IL17REL: variants seen among roughly 807,000 people sequenced by gnomAD.
The protein encoded by IL17REL is interleukin 17 receptor E like, also known as interleukin-17 receptor E-like protein.
IL17REL carries 36 observed loss-of-function variants against 49.0 expected under a neutral mutation model. The ratio of observed to expected loss-of-function variants is 0.73; its 90% CI spans 0.56 to 0.97. IL17REL has a LOEUF of 0.97. IL17REL is among the 50% of genes least tolerant of loss of function. IL17REL has a pLI of 0.00. For synonymous variants in IL17REL, 206 were observed against 192.4 expected (o/e 1.07, Z -0.58); for missense variants, 470 against 453.9 (o/e 1.04, Z -0.32).
chr22:49,999,722 G>GGTGGGCGGGGCGCGGA (rs1241601256), intron 5 of IL17REL, 106 bp downstream of exon 7: 4 of 617,956 alleles, frequency 6.5e-6, no homozygotes, highest in South Asian at 1.4e-4. Context: ...GGGGCGCGGG[G>GGTGGGCGGGGCGCGGA]GGTGGGCGGG....
intron 9 of IL17REL, 64 bp from the exon 12 acceptor site, chr22:49,997,806 G>GCAGGGA (rs1227371015): frequency 6.5e-6 from 10 of 1,533,698 alleles, no homozygotes; most frequent in African/African-American, 2.7e-5. Flanking sequence ...AGGGACAGGG[G>GCAGGGA]CAGGGACAGG....
At chr22:49,997,409 G>A (rs565042430) in exon 11 of IL17REL, 1 of 1,613,626 alleles carries the variant, frequency 6.2e-7, no homozygotes, top group Admixed American at 1.7e-5. Flanking sequence ...ACCTGGAAGT[G>A]GGCGGGGCTG....
upstream of IL17REL, among the ~76,000 whole-genome samples, chr22:50,011,627 G>A (rs1225111290): frequency 6.6e-6 from 1 of 151,828 alleles, no homozygotes; most frequent in East Asian, 1.9e-4. Flanking sequence ...GCATCCGGTG[G>A]ACACCCCTCC....
At chr22:50,010,770 CG>C (rs2061135545), upstream of IL17REL, among the ~76,000 whole-genome samples, 1 of 135,740 alleles carries the variant, frequency 7.4e-6, no homozygotes, top group African/African-American at 3.2e-5. Context: ...CCCCACGGCA[CG>C]GGGAGCGGGA....
upstream of IL17REL, among the ~76,000 whole-genome samples, chr22:50,011,054 C>T (rs545490323): frequency 6.6e-6 from 1 of 151,576 alleles, no homozygotes; most frequent in Non-Finnish European, 1.5e-5. Flanking sequence ...CTGGCTTCCC[C>T]CCGCGGGCAG....
At chr22:49,998,817 G>A (rs1177219915) in intron 7 of IL17REL, among the ~76,000 whole-genome samples, 3 of 151,914 alleles carry the variant, frequency 2.0e-5, no homozygotes, top group East Asian at 1.9e-4. Context: ...CTGCCTGCGC[G>A]TGGGTGTGCG....
chr22:50,003,565 G>A (rs189297193), intron 1 of IL17REL, among the ~76,000 whole-genome samples: 207 of 145,378 alleles, frequency 1.4e-3, no homozygotes, highest in African/African-American at 5.2e-3. Flanking sequence ...GATCACACCT[G>A]TATTCCCAGC....
downstream of IL17REL, among the ~76,000 whole-genome samples, chr22:49,992,985 C>T (rs137840): frequency 0.51 from 77,758 of 151,960 alleles, 20,241 homozygotes; most frequent in South Asian, 0.74. Context: ...TCACCCCACA[C>T]TGGCACCAGC....
At chr22:50,008,491 T>C (rs1257968900) in intron 1 of IL17REL, 146 bp downstream of exon 2, 1 of 152,176 alleles carries the variant, frequency 6.6e-6, no homozygotes, top group African/African-American at 2.4e-5. Context: ...CGGTGAGTGA[T>C]AGAGGTTTGC....
Position 49,997,868 on chromosome 22 carries a change from C to G in IL17REL, c.820-126G>C. 2 of 1,364,848 alleles carry G rather than the reference C, an allele frequency of 1.5e-6. 1 individual carries two copies. The allele number at this position is 1,364,848 out of a possible 1,614,324, so 84.5% of individuals were successfully genotyped here. On this transcript the variant is annotated intron_variant, in intron 9 of 12. Transcript: ENST00000341280. ...TCTGGGCCCAGTTCTCCTCCTTAGG[C>G]CCTTAGCTCACCCACTGTCAGACCA...
At chr22:50,009,824 A>C (rs1350766096), upstream of IL17REL, among the ~76,000 whole-genome samples, 1 of 147,672 alleles carries the variant, frequency 6.8e-6, no homozygotes, top group Non-Finnish European at 1.5e-5. Context: ...AGATTTACAG[A>C]GAGTTTACCC....
At chr22:49,996,323 A>C (rs2061033978) in exon 13 of IL17REL, 1 of 152,168 alleles carries the variant, frequency 6.6e-6, no homozygotes, top group Admixed American at 6.5e-5. Flanking sequence ...TGCAGGTAGG[A>C]GTGCCAGCTC....
intron 7 of IL17REL, 62 bp downstream of exon 9, chr22:49,999,229 T>TG: frequency 6.3e-7 from 1 of 1,580,096 alleles, no homozygotes; most frequent in Non-Finnish European, 8.7e-7. Flanking sequence ...GTCCTCATGG[T>TG]GGAGTCAGAC....
intron 7 of IL17REL, 127 bp downstream of exon 9, chr22:49,999,164 G>C: frequency 8.6e-7 from 1 of 1,158,950 alleles, no homozygotes; most frequent in South Asian, 1.2e-5. Context: ...AAGCCCTTCC[G>C]AGCAGGCTCA....
At chr22:50,000,492 CTCTGGTCCA>C (rs2061071351) in exon 4 of IL17REL, 1 of 1,613,064 alleles carries the variant, frequency 6.2e-7, no homozygotes, top group Non-Finnish European at 8.5e-7. Context: ...CACGAGGTGC[CTCTGGTCCA>C]GCTGGACCCC....
chr22:50,002,990 C>T (rs1006071074), intron 1 of IL17REL, among the ~76,000 whole-genome samples: 2 of 152,176 alleles, frequency 1.3e-5, no homozygotes, highest in Non-Finnish European at 2.9e-5. Flanking sequence ...TGGGAATGCG[C>T]CACTGTCTGG....
chr22:50,004,937 C>G (rs2061100679), intron 1 of IL17REL, among the ~76,000 whole-genome samples: 1 of 144,372 alleles, frequency 6.9e-6, no homozygotes, highest in Non-Finnish European at 1.5e-5. Flanking sequence ...AAGACTTATT[C>G]CAGGCAACCA....
At chr22:49,998,257 G>T in exon 8 of IL17REL, 3 of 1,612,414 alleles carry the variant, frequency 1.9e-6, no homozygotes, top group Non-Finnish European at 1.7e-6. Context: ...TCAGTGTCTG[G>T]CTCTCCGGGT....
exon 13 of IL17REL, chr22:49,996,185 G>C (rs1390124283): frequency 6.6e-6 from 1 of 152,272 alleles, no homozygotes; most frequent in Non-Finnish European, 1.5e-5. Flanking sequence ...GGTGCTCCCT[G>C]GAAAGGGTCT....
Sources: allele counts gnomAD v4.1 joint callset (sites outside exome capture counted in the v4.1 genomes callset), GRCh38; gene constraint gnomAD v4.1.1; transcripts MANE v1.5; gene names NCBI Gene and HGNC (gene_info 2026-07-23, HGNC 2026-07-21).